ARHGAP11B: variants seen among roughly 807,000 people sequenced by gnomAD.
The protein encoded by ARHGAP11B is Rho GTPase activating protein 11B.
A neutral mutation model predicts 27.6 loss-of-function variants in ARHGAP11B; 14 were observed. The ratio of observed to expected loss-of-function variants is 0.51; its 90% CI spans 0.34 to 0.79. The LOEUF (loss-of-function observed/expected upper bound fraction) is 0.79, where lower values mean the gene tolerates loss of function less well. ARHGAP11B is among the 30% of genes least tolerant of loss of function. ARHGAP11B has a pLI of 0.02. For synonymous variants in ARHGAP11B, 82 were observed against 114.1 expected (o/e 0.72, Z 1.80); for missense variants, 245 against 320.1 (o/e 0.77, Z 1.79).
In ARHGAP11B at chr15:30,626,769, C is replaced by G. The variant is rs2060210148; in HGVS notation, c.-52C>G. The G allele has an allele frequency of 7.0e-6, 11 of 1,566,448 alleles. No individual in the cohort carries two copies. In the South Asian group the frequency reaches 1.3e-4, roughly 18 times the overall value. On this transcript the variant is annotated 5_prime_UTR_variant, in exon 1 of 11. Coordinates refer to ENST00000428041, the Ensembl canonical transcript of ARHGAP11B. ...GTTTGGAAATTGGAAGACTTGGTGG[C>G]GAACGAGGGTCAGGACCTGCATCCT... is the stretch of plus-strand genomic sequence containing the variant.
intron 10 of ARHGAP11B, among the ~76,000 whole-genome samples, chr15:30,648,146 C>T (rs1335868274): frequency 1.3e-5 from 2 of 151,960 alleles, no homozygotes; most frequent in Admixed American, 1.3e-4. Context: ...CAACCCTGAT[C>T]CCTGTGTATT....
chr15:30,641,263 A>C (rs2338516), intron 7 of ARHGAP11B, among the ~76,000 whole-genome samples: 8 of 152,158 alleles, frequency 5.3e-5, no homozygotes, highest in East Asian at 3.9e-4. Context: ...TAGATTATAA[A>C]AAATATGATG....
intron 4 of ARHGAP11B, among the ~76,000 whole-genome samples, chr15:30,634,655 A>G (rs1309930825): frequency 6.6e-6 from 1 of 152,006 alleles, no homozygotes; most frequent in Non-Finnish European, 1.5e-5. Context: ...ATTGGTGTTT[A>G]TAAGATTCAT....
chr15:30,642,631 A>C (rs1428288841), intron 7 of ARHGAP11B, among the ~76,000 whole-genome samples: 1 of 151,952 alleles, frequency 6.6e-6, no homozygotes. Flanking sequence ...GATAACAGTA[A>C]TATTCATCAT....
chr15:30,633,285 G>A (rs529533035), intron 2 of ARHGAP11B, among the ~76,000 whole-genome samples: 1 of 152,130 alleles, frequency 6.6e-6, no homozygotes, highest in South Asian at 2.1e-4. Flanking sequence ...GCATATTGGA[G>A]TTGTTATAAG....
At chr15:30,641,325 T>C (rs981914528) in intron 7 of ARHGAP11B, among the ~76,000 whole-genome samples, 19 of 149,706 alleles carry the variant, frequency 1.3e-4, no homozygotes, top group Middle Eastern at 3.3e-3. Context: ...AGAGTATCTA[T>C]TCATAATTGT....
At chr15:30,628,009 G>A (rs2140887652) in intron 1 of ARHGAP11B, among the ~76,000 whole-genome samples, 1 of 151,096 alleles carries the variant, frequency 6.6e-6, no homozygotes, top group African/African-American at 2.4e-5. Context: ...GATCTCAAAT[G>A]TAGCTGATTT....
At chr15:30,626,565 G>A (rs1327524474) in exon 1 of ARHGAP11B, 7 of 526,030 alleles carry the variant, frequency 1.3e-5, no homozygotes, top group South Asian at 6.4e-5. Context: ...CCAGAAAGAA[G>A]GTCGCTGTAA....
At chr15:30,638,617 C>T in intron 6 of ARHGAP11B, 129 bp from the exon 7 acceptor site, 1 of 498,212 alleles carries the variant, frequency 2.0e-6, no homozygotes, top group East Asian at 4.1e-5. Context: ...AATAATTCCT[C>T]TTAAATAACT....
chr15:30,642,987 G>C (rs140962129), intron 7 of ARHGAP11B, among the ~76,000 whole-genome samples: 4 of 152,118 alleles, frequency 2.6e-5, no homozygotes, highest in Admixed American at 1.3e-4. Flanking sequence ...AGTTGGAGTT[G>C]CATGATACTT....
At chr15:30,646,745 G>A (rs1205218323) in intron 9 of ARHGAP11B, among the ~76,000 whole-genome samples, 1 of 151,738 alleles carries the variant, frequency 6.6e-6, no homozygotes, top group Non-Finnish European at 1.5e-5. Context: ...TGAGGCGGGT[G>A]GATCACCTGA....
intron 2 of ARHGAP11B, among the ~76,000 whole-genome samples, chr15:30,631,975 G>A (rs1425499847): frequency 1.4e-5 from 2 of 147,030 alleles, no homozygotes; most frequent in African/African-American, 2.5e-5. Context: ...TAGTAGAGAT[G>A]GGGTTTCACC....
intron 2 of ARHGAP11B, among the ~76,000 whole-genome samples, 163 bp downstream of exon 2, chr15:30,630,936 G>C (rs1209477349): frequency 6.6e-6 from 1 of 151,948 alleles, no homozygotes; most frequent in Non-Finnish European, 1.5e-5. Flanking sequence ...AATTAGCTTG[G>C]CGGAGCACAC....
chr15:30,628,308 C>T (rs2060222733), intron 1 of ARHGAP11B, among the ~76,000 whole-genome samples: 1 of 151,898 alleles, frequency 6.6e-6, no homozygotes, highest in Non-Finnish European at 1.5e-5. Context: ...GTCTCGATCT[C>T]CTGCCCTCGT....
intron 7 of ARHGAP11B, among the ~76,000 whole-genome samples, chr15:30,639,760 C>G (rs914323342): frequency 6.6e-6 from 1 of 152,004 alleles, no homozygotes; most frequent in Non-Finnish European, 1.5e-5. Context: ...GCCAAGTAAT[C>G]TCTTCAATAG....
intron 8 of ARHGAP11B, among the ~76,000 whole-genome samples, chr15:30,645,229 C>CTT (rs532444495): frequency 1.4e-5 from 2 of 146,424 alleles, no homozygotes; most frequent in African/African-American, 5.1e-5. Flanking sequence ...ATACCTTAAA[C>CTT]TTTTTTTTTT....
At chr15:30,642,535 G>A (rs931288005) in intron 7 of ARHGAP11B, among the ~76,000 whole-genome samples, 2 of 151,954 alleles carry the variant, frequency 1.3e-5, no homozygotes, top group African/African-American at 4.8e-5. Context: ...CAAATACTCA[G>A]ATTCCAACTT....
chr15:30,633,401 G>A, intron 2 of ARHGAP11B, 89 bp from the exon 3 acceptor site: 3 of 1,199,338 alleles, frequency 2.5e-6, no homozygotes, highest in Non-Finnish European at 3.6e-6. Flanking sequence ...CCTCTGAAAG[G>A]TCTGTAGTGC....
chr15:30,647,012 C>A (rs764219400), intron 9 of ARHGAP11B, among the ~76,000 whole-genome samples: 9 of 151,880 alleles, frequency 5.9e-5, no homozygotes, highest in Non-Finnish European at 8.8e-5. Flanking sequence ...GACCTTTTCC[C>A]TTCTCATCAG....
Sources: gnomAD v4.1 joint callset for allele counts (sites outside exome capture counted in the v4.1 genomes callset) on GRCh38, gnomAD v4.1.1 for gene constraint, MANE v1.5 for transcripts, NCBI Gene and HGNC (gene_info 2026-07-23, HGNC 2026-07-21) for gene names.